The following MIER1 variants were observed in gnomAD, a reference collection of about 807,000 sequenced individuals.
MIER1 encodes the protein MIER1 transcriptional regulator.
Under a neutral mutation model 75.7 loss-of-function variants are expected in MIER1, and 40 were observed. The observed-to-expected ratio is 0.53, with a 90% CI of 0.41 to 0.69. The LOEUF (loss-of-function observed/expected upper bound fraction) is 0.69. MIER1 is among the 30% of genes least tolerant of loss of function. The pLI is 0.00. For synonymous variants in MIER1, 213 were observed against 223.4 expected (o/e 0.95, Z 0.42); for missense variants, 574 against 680.2 (o/e 0.84, Z 1.74).
chr1:66,958,058 G>T lies in MIER1; in HGVS notation c.340-1G>T. 2 of 1,568,562 alleles carry T rather than the reference G, an allele frequency of 1.3e-6. No individual in the cohort carries two copies. The highest frequency in any genetic ancestry group is 1.2e-5 in the South Asian group (1 of 83,550). The stretch of plus-strand genomic sequence containing the variant: ...ATTACCTTTTATTTTGATTTATTTA[G>T]GAAGGCGACATGCCAATTCATGAAC... On this transcript the variant is annotated splice_acceptor_variant, in intron 4 of 13. Coordinates refer to ENST00000401041, the MANE Select transcript of MIER1 (RefSeq NM_001077700.3). LOFTEE classifies it high-confidence loss of function.
Position 66,953,927 on chromosome 1 carries a change from ATAAG to A in MIER1, c.340-4127_340-4124del, listed in dbSNP as rs566789114. Among the ~76,000 whole-genome samples the A allele has an allele frequency of 1.4e-4, 21 of 152,270 alleles. No individual in the cohort carries two copies. The South Asian group carries it at 3.7e-3, about 27-fold the overall frequency. The stretch of plus-strand genomic sequence containing the variant: ...CATAAGTAAGCATTTTCTTGATTGA[ATAAG>A]TAAGGGTATTTTTTTTCCATGTGAT... On this transcript the variant is annotated intron_variant, in intron 4 of 13. Coordinates refer to ENST00000401041, the MANE Select transcript of MIER1 (RefSeq NM_001077700.3).
intron 4 of MIER1, chr1:66,946,984 A>T: frequency 1.0e-6 from 1 of 985,128 alleles, no homozygotes; most frequent in Non-Finnish European, 1.2e-6. Flanking sequence ...CTCAGTTTGG[A>T]CCTTCTTTTT....
chr1:66,976,602 C>G lies in MIER1; in HGVS notation c.1109C>G (p.Thr370Arg). The G allele has an allele frequency of 6.3e-7, 1 of 1,585,912 alleles. No homozygotes were observed. The highest frequency in any genetic ancestry group is 1.4e-5 in the African/African-American group (1 of 73,552). ...AGCATTTGTTTCTTACAGGTCCGAA[C>G]AAGGTCAGTTGGTGAATGTGTAGCA... ...FHLIQANKVRTRSVGECVAFY... is the reference protein window; with the variant it reads ...FHLIQANKVRRRSVGECVAFY... Residue 370 changes from threonine to arginine, a missense_variant, in exon 12 of 14, where the codon ACA becomes AGA. By Grantham distance (71) the Thr-to-Arg change is moderately conservative. Transcript: ENST00000401041.
chr1:66,979,010 A>G (rs995648664), intron 12 of MIER1, among the ~76,000 whole-genome samples: 4 of 152,232 alleles, frequency 2.6e-5, no homozygotes, highest in East Asian at 1.9e-4. Flanking sequence ...GTCACCTGGT[A>G]TAATGGTATG....
intron 5 of MIER1, 33 bp downstream of exon 5, chr1:66,958,253 T>G (rs1273270787): frequency 4.2e-6 from 6 of 1,416,044 alleles, no homozygotes; most frequent in Admixed American, 2.2e-5. Flanking sequence ...AAGATTGTAG[T>G]CTTTATTCTT....
chr1:66,955,531 T>A (rs1324574891), intron 4 of MIER1, among the ~76,000 whole-genome samples: 1 of 151,908 alleles, frequency 6.6e-6, no homozygotes, highest in Admixed American at 6.6e-5. Flanking sequence ...CACCTTTTTT[T>A]GGAGTGAACG....
intron 9 of MIER1, among the ~76,000 whole-genome samples, chr1:66,971,360 C>A (rs12137403): frequency 6.6e-6 from 1 of 151,644 alleles, no homozygotes; most frequent in African/African-American, 2.4e-5. Flanking sequence ...ATAGGAATCT[C>A]AAGAAGCCAC....
intron 2 of MIER1, among the ~76,000 whole-genome samples, chr1:66,939,483 A>G (rs1655666832): frequency 6.6e-6 from 1 of 152,126 alleles, no homozygotes; most frequent in Non-Finnish European, 1.5e-5. Context: ...ACTTAAAAAT[A>G]TATTGTTTAT....
intron 3 of MIER1, among the ~76,000 whole-genome samples, chr1:66,945,293 A>ATATATGTATATATATATATATATATG (rs1657294258): frequency 7.8e-5 from 1 of 12,858 alleles, no homozygotes; most frequent in African/African-American, 3.8e-4. Flanking sequence ...ATATATATAT[A>ATATATGTATATATATATATATATATG]TATATATATA....
At chr1:66,935,263 T>C (rs1033115625) in intron 2 of MIER1, among the ~76,000 whole-genome samples, 12 of 152,222 alleles carry the variant, frequency 7.9e-5, no homozygotes, top group African/African-American at 2.9e-4. Flanking sequence ...ATCTGAGGCA[T>C]TGAATATTCG....
At chr1:66,934,040 A>T (rs1347122954) in intron 2 of MIER1, among the ~76,000 whole-genome samples, 4 of 152,134 alleles carry the variant, frequency 2.6e-5, no homozygotes. Flanking sequence ...TGTTTGTCTT[A>T]TTCTGTGGCT....
chr1:66,967,829 T>A (rs2101832832), intron 8 of MIER1, among the ~76,000 whole-genome samples: 1 of 152,342 alleles, frequency 6.6e-6, no homozygotes, highest in Non-Finnish European at 1.5e-5. Flanking sequence ...GAAATGCTAC[T>A]GATTTTTGTA....
At chr1:66,938,408 A>G (rs1052856590) in intron 2 of MIER1, among the ~76,000 whole-genome samples, 2 of 152,176 alleles carry the variant, frequency 1.3e-5, no homozygotes, top group African/African-American at 4.8e-5. Context: ...ATAGTGAGCT[A>G]GGATTAGATG....
intron 1 of MIER1, 144 bp from the exon 2 acceptor site, chr1:66,925,998 T>C (rs1651657615): frequency 3.1e-6 from 2 of 637,564 alleles, no homozygotes; most frequent in East Asian, 5.6e-5. Flanking sequence ...GACTTAAGGC[T>C]CATTAAATGT....
rs1666716990 is a variant in MIER1, at chr1:66,985,865, G to C, written c.*965G>C. ...ATTTCTACTTAAGGGCAAGTAATTT[G>C]AGAATTCTGAAATTAAGCATGATGC... On this transcript the variant is annotated 3_prime_UTR_variant, in exon 14 of 14. Transcript: ENST00000401041. The C allele has an allele frequency of 1.5e-6, 1 of 666,476 alleles. No individual in the cohort carries two copies. The highest frequency in any genetic ancestry group is 7.2e-5 in the Admixed American group (1 of 13,864). The allele number at this position is 666,476 out of a possible 1,614,324, so 41.3% of individuals were successfully genotyped here.
intron 3 of MIER1, among the ~76,000 whole-genome samples, chr1:66,942,648 A>G (rs1656517719): frequency 6.6e-6 from 1 of 152,036 alleles, no homozygotes; most frequent in South Asian, 2.1e-4. Context: ...TATTGACAAG[A>G]ATAAGATGGT....
chr1:66,925,032 G>A lies in MIER1; in HGVS notation c.4G>A (p.Asp2Asn). 2 of 1,549,228 alleles carry A rather than the reference G, an allele frequency of 1.3e-6. No individual in the cohort carries two copies. Among genetic ancestry groups the A allele is most frequent in the Non-Finnish European group, 1.7e-6 (2 of 1,146,174 alleles). MDGASSGGGGSS... is the reference protein window; with the variant it reads MNGASSGGGGSS... ...TGAGTCTCCCGGCTGCAGGCGGATG[G>A]ATGGGGCTTCTTCAGGCGGTGGCGG... The change falls in exon 1 of 14, where the codon GAT becomes AAT. Residue 2 changes from aspartate (D) to asparagine (N), a missense_variant. Around this residue, in one of 3 missense-constraint regions of MIER1, gnomAD observed 309 missense variants for 352.8 expected, o/e 0.88. Coordinates refer to ENST00000401041, the MANE Select transcript of MIER1 (RefSeq NM_001077700.3).
Position 66,981,934 on chromosome 1 carries a change from A to G in MIER1, c.1369+16A>G, listed in dbSNP as rs761832116. On this transcript the variant is annotated intron_variant, in intron 13 of 13. Transcript: ENST00000401041. The stretch of plus-strand genomic sequence containing the variant: ...AATCAAAATGGTAAGCAACCAGAGA[A>G]ACATTTCTCTTTCTTCATAATAAGG... The G allele has an allele frequency of 2.1e-5, 34 of 1,612,134 alleles. No homozygotes were observed. Among genetic ancestry groups the G allele is most frequent in the Non-Finnish European group, 2.8e-5 (33 of 1,178,798 alleles).
chr1:66,934,124 A>AT (rs987923524), intron 2 of MIER1, among the ~76,000 whole-genome samples: 6 of 152,158 alleles, frequency 3.9e-5, no homozygotes, highest in African/African-American at 7.2e-5. Context: ...GCAAATTGAG[A>AT]TTTTTTTAAC....
Sources: gnomAD v4.1 joint callset for allele counts (sites outside exome capture counted in the v4.1 genomes callset) on GRCh38, gnomAD v4.1.1 for gene constraint, gnomAD v4.1.1 regional missense constraint, MANE v1.5 for transcripts, NCBI Gene and HGNC (gene_info 2026-07-23, HGNC 2026-07-21) for gene names.